Variants in ZBP1 observed in about 807,000 individuals in gnomAD.
The protein encoded by ZBP1 is Z-DNA binding protein 1.
ZBP1 carries 42 observed loss-of-function variants against 41.1 expected under a neutral mutation model. The observed-to-expected ratio is 1.02, with a 90% CI of 0.80 to 1.32. The LOEUF (loss-of-function observed/expected upper bound fraction) is 1.32. ZBP1 is among the 40% of genes most tolerant of loss of function. The probability of loss-of-function intolerance (pLI) is 0.00; values close to 1 mark genes in which losing one functional copy is unlikely to be tolerated. For synonymous variants in ZBP1, 214 were observed against 205.2 expected (o/e 1.04, Z -0.37); for missense variants, 562 against 549.7 (o/e 1.02, Z -0.22).
rs374972983 is a variant in ZBP1 at position 57,620,227 on chromosome 20, C to G, written c.34+35G>C. ...AGAAGTAGAAATCTCACCCCGGGAGCTACCGCTGGTCCTTGGAAGGAAGAA... is the reference window on the plus strand; with the variant it reads ...AGAAGTAGAAATCTCACCCCGGGAGGTACCGCTGGTCCTTGGAAGGAAGAA... On this transcript the variant is annotated intron_variant, in intron 1 of 7. Transcript: ENST00000371173. 106 of 1,567,570 alleles carry G rather than the reference C, an allele frequency of 6.8e-5. 1 individual carries two copies. In the African/African-American group the frequency reaches 1.2e-3, roughly 18 times the overall value.
At chr20:57,607,463 A>G (rs1042189132) in intron 7 of ZBP1, among the ~76,000 whole-genome samples, 1 of 152,272 alleles carries the variant, frequency 6.6e-6, no homozygotes, top group Non-Finnish European at 1.5e-5. Context: ...CCTGGTGAAG[A>G]TACTGCGAAC....
chr20:57,604,603 G>A lies in ZBP1; in HGVS notation c.1260C>T (p.His420=), dbSNP rs759611217. ...EGSHYVDEAS[H]EGSWWGGGI Reference sequence around the variant, plus strand: ...TCCCACCTCCCCACCAGCTCCCCTCGTGTGAGGCTTCATCCACATAGTGGC... The same window carrying A: ...TCCCACCTCCCCACCAGCTCCCCTCATGTGAGGCTTCATCCACATAGTGGC... The change falls in exon 8 of 8, where the codon CAC becomes CAT. Residue 420 remains histidine, a synonymous_variant. Transcript: ENST00000371173. 3.0e-5 allele frequency: 48 copies of A among 1,613,950 alleles called. No homozygotes were observed. Among genetic ancestry groups the A allele is most frequent in the South Asian group, 1.3e-4 (12 of 91,080 alleles).
chr20:57,616,281 T>A lies in ZBP1; in HGVS notation c.222A>T (p.Glu74Asp). 6.2e-7 allele frequency: 1 copy of A among 1,614,086 alleles called. No individual in the cohort carries two copies. The highest frequency in any genetic ancestry group is 8.5e-7 in the Non-Finnish European group (1 of 1,179,992). Residue 74 changes from glutamate (E) to aspartate (D), a missense_variant, in exon 2 of 8, where the codon GAA (glutamate) becomes GAT (aspartate). Physicochemically the swap from Glu to Asp is conservative, Grantham distance 45. Coordinates refer to ENST00000371173, the MANE Select transcript of ZBP1 (RefSeq NM_030776.3). ...AGGCCAGCTCTGCAGGACCCTCGCC[T>A]TCAGGATCAGTCCCGCCCAAGCACC... ...ATWCLGGTDP[E>D]GEGPAELALS...
intron 6 of ZBP1, 107 bp downstream of exon 6, chr20:57,611,620 G>A: frequency 1.6e-6 from 2 of 1,263,734 alleles, no homozygotes; most frequent in Non-Finnish European, 2.2e-6. Context: ...TGGAAGGAAA[G>A]GAATTTCCCA....
At chr20:57,611,084 C>A (rs954848509) in intron 6 of ZBP1, among the ~76,000 whole-genome samples, 10 of 152,180 alleles carry the variant, frequency 6.6e-5, no homozygotes, top group African/African-American at 2.4e-4. Flanking sequence ...GCTCCTAGTA[C>A]GGCACCTGTC....
At chr20:57,616,039 C>G (rs537958405) in intron 2 of ZBP1, 6 of 607,954 alleles carry the variant, frequency 9.9e-6, no homozygotes, top group Non-Finnish European at 1.7e-5. Flanking sequence ...CTGAGCCTGA[C>G]GCAGGGCCTC....
chr20:57,604,735 G>A lies in ZBP1; in HGVS notation c.1128C>T (p.His376=), dbSNP rs771267202. Residue 376 remains histidine (H), a synonymous_variant, in exon 8 of 8, where the codon CAC becomes CAT. Coordinates refer to ENST00000371173, the MANE Select transcript of ZBP1 (RefSeq NM_030776.3). The stretch of plus-strand genomic sequence containing the variant: ...TGGGCTGACCAATGTCTCGAGGAAA[G>A]TGACTTCTGGATTGTGTGTCTGCGG... The part of the protein sequence containing the change: ...RRPADTQSRS[H]FPRDIGQPIT... 24 of 1,614,060 alleles carry A rather than the reference G, an allele frequency of 1.5e-5. No individual in the cohort carries two copies. The South Asian group carries it at 2.6e-4, about 18-fold the overall frequency.
Position 57,613,458 on chromosome 20 carries a change from G to T in ZBP1, c.503-128C>A, listed in dbSNP as rs2070732430. On this transcript the variant is annotated intron_variant, in intron 4 of 7. Transcript: ENST00000371173. This position sits in a 1 kb window ranked among gnomAD's most constrained non-coding sequence, Gnocchi z 4.5. ...TACCCTGGGCGTTCCGAGTCAGTAG[G>T]GCCAAGTGGGAGGCCAGAGCTGGGT... The T allele has an allele frequency of 1.0e-6, 1 of 996,024 alleles. No homozygotes were observed. Among genetic ancestry groups the T allele is most frequent in the African/African-American group, 1.6e-5 (1 of 62,122 alleles). The allele number at this position is 996,024 out of a possible 1,614,324, so 61.7% of individuals were successfully genotyped here. A position where few individuals can be genotyped will look rare whatever the true frequency, so the allele number is the denominator to read the frequency against.
At chr20:57,618,450 G>C (rs1175809560) in intron 1 of ZBP1, among the ~76,000 whole-genome samples, 1 of 152,002 alleles carries the variant, frequency 6.6e-6, no homozygotes, top group Non-Finnish European at 1.5e-5. Context: ...CCGGCTTGCC[G>C]TGTGCAGGTG....
chr20:57,619,212 C>G (rs1159220671), intron 1 of ZBP1, among the ~76,000 whole-genome samples: 1 of 152,198 alleles, frequency 6.6e-6, no homozygotes, highest in Non-Finnish European at 1.5e-5. Flanking sequence ...TGGGCCACAC[C>G]CTGACATTAG....
At chr20:57,608,495 C>T (rs990050785) in intron 7 of ZBP1, among the ~76,000 whole-genome samples, 2 of 152,250 alleles carry the variant, frequency 1.3e-5, no homozygotes, top group Admixed American at 1.3e-4. Context: ...TGGCTTGAGA[C>T]CCACAGGGCT....
chr20:57,616,600 G>A, intron 1 of ZBP1, 132 bp from the exon 2 acceptor site: 8 of 829,428 alleles, frequency 9.6e-6, no homozygotes, highest in South Asian at 6.8e-5. Flanking sequence ...AAAGGGCAAG[G>A]ACCCCAGCAG....
chr20:57,613,210 A>G lies in ZBP1; in HGVS notation c.623T>C (p.Ile208Thr), dbSNP rs1334308404. Residue 208 changes from isoleucine to threonine, a missense_variant, in exon 5 of 8, where the codon ATT becomes ACT. By Grantham distance (89) the Ile-to-Thr change is moderately conservative (BLOSUM62 -1). Transcript: ENST00000371173. The surrounding 1 kb of genome is among the most constrained non-coding windows in gnomAD (Gnocchi z 4.5). ...ISIANSEAIQ[I>T]GHGNIITRQT... is the part of the protein sequence containing the mutation. ...TCTTGTAATGATGTTCCCGTGTCCA[A>G]TCTGGATGGCTTCGGAGTTTGCAAT... The G allele has an allele frequency of 6.2e-7, 1 of 1,614,096 alleles. No homozygotes were observed. Among genetic ancestry groups the G allele is most frequent in the East Asian group, 2.2e-5 (1 of 44,882 alleles).
At chr20:57,605,362 T>C (rs371886550) in intron 7 of ZBP1, among the ~76,000 whole-genome samples, 2 of 152,248 alleles carry the variant, frequency 1.3e-5, no homozygotes, top group Admixed American at 6.5e-5. Flanking sequence ...GCTCACTTCC[T>C]GTCTCTGCGT....
rs2070429563 is a variant in ZBP1, at chr20:57,603,923, A to G, written c.*650T>C. 1.2e-5 allele frequency: 2 copies of G among 166,780 alleles called. No individual in the cohort carries two copies. Among genetic ancestry groups the G allele is most frequent in the South Asian group, 1.4e-4 (1 of 7,244 alleles). The allele number at this position is 166,780 out of a possible 1,614,324, so 10.3% of individuals were successfully genotyped here. On this transcript the variant is annotated 3_prime_UTR_variant, in exon 8 of 8. Coordinates refer to ENST00000371173, the MANE Select transcript of ZBP1 (RefSeq NM_030776.3). The surrounding 1 kb of genome is among the most constrained non-coding windows in gnomAD (Gnocchi z 4.6). The stretch of plus-strand genomic sequence containing the variant: ...CGCTCTGTCGCCCAGCCTGGAGTGC[A>G]GTGGCGCGATCTCGGCTCACTGGAA...
intron 6 of ZBP1, among the ~76,000 whole-genome samples, chr20:57,611,078 C>A (rs1480697062): frequency 6.6e-6 from 1 of 152,198 alleles, no homozygotes; most frequent in Non-Finnish European, 1.5e-5. Flanking sequence ...GCCACAGCTC[C>A]TAGTACGGCA....
chr20:57,618,062 A>T (rs1306683128), intron 1 of ZBP1: 1 of 152,304 alleles, frequency 6.6e-6, no homozygotes, highest in East Asian at 1.9e-4. Flanking sequence ...CTCCTGAGGC[A>T]GCTCTTAAAA....
chr20:57,611,009 CCCA>C (rs1422961427), intron 6 of ZBP1, among the ~76,000 whole-genome samples: 3 of 152,190 alleles, frequency 2.0e-5, no homozygotes, highest in African/African-American at 7.2e-5. Flanking sequence ...TCTCCCCCAG[CCCA>C]TCTCTGCATT....
At chr20:57,606,291 T>C (rs532539133) in intron 7 of ZBP1, among the ~76,000 whole-genome samples, 45 of 152,264 alleles carry the variant, frequency 3.0e-4, no homozygotes, top group Admixed American at 1.4e-3. Flanking sequence ...AGGCCCTTGC[T>C]CTATTCAATT....
Sources: allele counts gnomAD v4.1 joint callset (sites outside exome capture counted in the v4.1 genomes callset), GRCh38; gene constraint gnomAD v4.1.1; non-coding constraint Gnocchi (gnomAD v3.1); transcripts MANE v1.5; gene names NCBI Gene and HGNC (gene_info 2026-07-23, HGNC 2026-07-21).